Variants in NSL1 observed in about 807,000 individuals in gnomAD.
The protein encoded by NSL1 is NSL1 component of MIS12 kinetochore complex, also known as kinetochore-associated protein NSL1 homolog.
Under a neutral mutation model 25.4 loss-of-function variants are expected in NSL1, and 11 were observed. The observed-to-expected ratio is 0.43, with a 90% CI of 0.27 to 0.72. The LOEUF is 0.72. NSL1 is among the 30% of genes least tolerant of loss of function. NSL1 has a pLI of 0.19. For missense variants in NSL1, 330 were observed against 342.7 expected (o/e 0.96, Z 0.29); for synonymous variants, 118 against 120.6 (o/e 0.98, Z 0.14).
In NSL1 at chr1:212,737,186, A is replaced by G; in HGVS notation, c.*1222T>C. 4 of 985,404 alleles carry G rather than the reference A, an allele frequency of 4.1e-6. No homozygotes were observed. The highest frequency in any genetic ancestry group is 3.6e-6 in the Non-Finnish European group (3 of 829,876). 61.0% of individuals were successfully genotyped at this position (985,404 alleles called of 1,614,324 possible). On this transcript the variant is annotated 3_prime_UTR_variant, in exon 6 of 6. Coordinates refer to ENST00000366977, the MANE Select transcript of NSL1 (RefSeq NM_015471.4). The stretch of plus-strand genomic sequence containing the variant: ...AGATCAGTCTTTGTACATTATTTCA[A>G]TGAAAAACACATAGCTGTGTACAAA...
chr1:212,781,859 G>A (rs1184932385), intron 4 of NSL1: 1 of 198,238 alleles, frequency 5.0e-6, no homozygotes, highest in Non-Finnish European at 1.1e-5. Context: ...TTTGTGTCAA[G>A]TTTATTTCTC....
Position 212,734,571 on chromosome 1 carries a change from A to AACC in NSL1, c.*3834_*3836dup, listed in dbSNP as rs1440532456. Among the ~76,000 whole-genome samples, 1 of 152,216 alleles carries AACC rather than the reference A, an allele frequency of 6.6e-6. No homozygotes were observed. Among genetic ancestry groups the AACC allele is most frequent in the East Asian group, 1.9e-4 (1 of 5,202 alleles). On this transcript the variant is annotated 3_prime_UTR_variant, in exon 6 of 6. Transcript: ENST00000366977. ...TAATATCTCCCCTCTCCCCAGAGGG[A>AACC]ACCACCATGGCTTAGTTTTGCCCAT...
At chr1:212,762,222 C>T (rs1018354045) in intron 4 of NSL1, among the ~76,000 whole-genome samples, 17 of 147,834 alleles carry the variant, frequency 1.1e-4, no homozygotes, top group African/African-American at 3.3e-4. Flanking sequence ...CACTTGAACC[C>T]GGGAGGCAGA....
At position 212,738,687 on chromosome 1, in the gene NSL1, C is replaced by T; in HGVS notation, c.568-1G>A. 1 of 1,610,500 alleles carries T rather than the reference C, an allele frequency of 6.2e-7. No individual in the cohort carries two copies. Among genetic ancestry groups the T allele is most frequent in the Non-Finnish European group, 8.5e-7 (1 of 1,177,728 alleles). On this transcript the variant is annotated splice_acceptor_variant, in intron 5 of 5. Transcript: ENST00000366977. LOFTEE classifies it high-confidence loss of function. ...CTTGTTCAATTAATGCAGGCAAGGA[C>T]TTCAAACAAACAAACAGTAATATTC...
rs1658002025 is a variant in NSL1, at chr1:212,731,190, A to AG, written c.*7217_*7218insC. 1.0e-6 allele frequency: 1 copy of AG among 984,022 alleles called. No homozygotes were observed. Among genetic ancestry groups the AG allele is most frequent in the Non-Finnish European group, 1.2e-6 (1 of 829,088 alleles). 61.0% of individuals were successfully genotyped at this position (984,022 alleles called of 1,614,324 possible). A position where few individuals can be genotyped will look rare whatever the true frequency, so the allele number is the denominator to read the frequency against. ...AAAACAAATGGTCAGAGGGGAGAAA[A>AG]AAAAAAAAACCTGAAGAAACCAAAA... On this transcript the variant is annotated 3_prime_UTR_variant, in exon 6 of 6. Coordinates refer to ENST00000366977, the MANE Select transcript of NSL1 (RefSeq NM_015471.4).
rs1181060731 is a variant in NSL1, at chr1:212,730,337, G to A, written c.*8071C>T. ...TGGAGGGTGGCATTCCCATCAAGGT[G>A]GCATCAGGGGCAGAAATGGACAAAA... is the stretch of plus-strand genomic sequence containing the variant. On this transcript the variant is annotated 3_prime_UTR_variant, in exon 6 of 6. Transcript: ENST00000366977. 5 of 984,658 alleles carry A rather than the reference G, an allele frequency of 5.1e-6. No individual in the cohort carries two copies. The highest frequency in any genetic ancestry group is 6.0e-6 in the Non-Finnish European group (5 of 829,854). 61.0% of individuals were successfully genotyped at this position (984,658 alleles called of 1,614,324 possible).
chr1:212,759,426 G>T (rs774138020), intron 4 of NSL1, among the ~76,000 whole-genome samples: 3 of 152,112 alleles, frequency 2.0e-5, no homozygotes, highest in African/African-American at 7.2e-5. Flanking sequence ...GGAAGAAAGG[G>T]AAGCAGGGAA....
chr1:212,739,086 T>C (rs1166980488), intron 5 of NSL1, among the ~76,000 whole-genome samples: 1 of 152,152 alleles, frequency 6.6e-6, no homozygotes, highest in African/African-American at 2.4e-5. Context: ...AAATGCTGGA[T>C]TGTAGGTTAC....
chr1:212,759,237 ACAT>A (rs1400890971), intron 4 of NSL1, among the ~76,000 whole-genome samples: 2 of 152,214 alleles, frequency 1.3e-5, no homozygotes, highest in Admixed American at 6.5e-5. Context: ...GCTTCAAAGA[ACAT>A]CATCAAGAAA....
intron 5 of NSL1, among the ~76,000 whole-genome samples, chr1:212,739,019 T>A (rs1658371460): frequency 6.6e-6 from 1 of 152,170 alleles, no homozygotes; most frequent in South Asian, 2.1e-4. Flanking sequence ...TGCCTTGGCC[T>A]CCCAAAGTGC....
At position 212,787,423 on chromosome 1, in the gene NSL1, T is replaced by C. The variant is rs1660991461; in HGVS notation, c.313+136A>G. 2.5e-5 allele frequency: 14 copies of C among 551,180 alleles called. 1 individual carries two copies. The South Asian group carries it at 3.9e-4, about 15-fold the overall frequency. The allele number at this position is 551,180 out of a possible 1,614,324, so 34.1% of individuals were successfully genotyped here. A position where few individuals can be genotyped will look rare whatever the true frequency, so the allele number is the denominator to read the frequency against. On this transcript the variant is annotated intron_variant, in intron 2 of 5. Transcript: ENST00000366977. ...AAGACTATTGAAGTCATAATCTCAGTTCTTTATTACTCCCCTAGTAAACAA... is the reference window on the plus strand; with the variant it reads ...AAGACTATTGAAGTCATAATCTCAGCTCTTTATTACTCCCCTAGTAAACAA...
intron 4 of NSL1, among the ~76,000 whole-genome samples, chr1:212,779,797 CCGCCCGGCCAGCCGCCCCG>C (rs1490635728): frequency 1.5e-5 from 2 of 135,964 alleles, no homozygotes; most frequent in Non-Finnish European, 1.6e-5. Context: ...GGTCAGCCCC[CCGCCCGGCCAGCCGCCCCG>C]TCCGGGAGGG....
At position 212,761,838 on chromosome 1, in the gene NSL1, T is replaced by TA. The variant is rs752637426; in HGVS notation, c.499+20533dup. 7.0e-4 allele frequency among the ~76,000 whole-genome samples: 106 copies of TA among 151,760 alleles called. 1 individual carries two copies. The highest frequency in any genetic ancestry group is 9.1e-4 in the Non-Finnish European group (62 of 67,912). On this transcript the variant is annotated intron_variant, in intron 4 of 5. Transcript: ENST00000366977. ...CATCTGAAGAGTTCTATGAATGAAA[T>TA]AAAAAATACAATTGAGAGCTTCAGA...
intron 4 of NSL1, among the ~76,000 whole-genome samples, chr1:212,743,561 C>A (rs1377656391): frequency 6.6e-6 from 1 of 151,204 alleles, no homozygotes; most frequent in African/African-American, 2.4e-5. Context: ...TATTCAAATT[C>A]TTAAATACCT....
Position 212,730,127 on chromosome 1 carries a change from G to T in NSL1, c.*8281C>A. On this transcript the variant is annotated 3_prime_UTR_variant, in exon 6 of 6. Transcript: ENST00000366977. ...TAGCCCAGCATGGTAGCACGCGCCT[G>T]TAATCCCAGCTACTCGGGAGGCTAA... 1.2e-6 allele frequency: 1 copy of T among 815,798 alleles called. No homozygotes were observed. The highest frequency in any genetic ancestry group is 1.5e-6 in the Non-Finnish European group (1 of 679,128). The allele number at this position is 815,798 out of a possible 1,614,324, so 50.5% of individuals were successfully genotyped here.
intron 4 of NSL1, among the ~76,000 whole-genome samples, chr1:212,776,703 T>TAAAAC (rs144006991): frequency 1.3e-4 from 19 of 146,748 alleles, no homozygotes; most frequent in Non-Finnish European, 2.3e-4. Flanking sequence ...AGGAAAACGG[T>TAAAAC]AAAACAAAAC....
intron 4 of NSL1, among the ~76,000 whole-genome samples, chr1:212,771,853 T>C (rs1660133443): frequency 6.6e-6 from 1 of 152,080 alleles, no homozygotes; most frequent in African/African-American, 2.4e-5. Flanking sequence ...TTAAAAGCAA[T>C]TGAAGAGAAT....
Position 212,784,512 on chromosome 1 carries a change from T to A in NSL1, c.314-19A>T, listed in dbSNP as rs766440546. 9 of 1,447,802 alleles carry A rather than the reference T, an allele frequency of 6.2e-6. No homozygotes were observed. Among genetic ancestry groups the A allele is most frequent in the Non-Finnish European group, 7.5e-6 (8 of 1,064,262 alleles). The allele number at this position is 1,447,802 out of a possible 1,614,324, so 89.7% of individuals were successfully genotyped here. On this transcript the variant is annotated intron_variant, in intron 2 of 5. Coordinates refer to ENST00000366977, the MANE Select transcript of NSL1 (RefSeq NM_015471.4). ...TCAGAATCTATTTGAGAAAAAAAAA[T>A]GTATATATAAAAAGTTCCCTAAAAC...
intron 2 of NSL1, among the ~76,000 whole-genome samples, chr1:212,786,705 G>C (rs1660962500): frequency 6.6e-6 from 1 of 151,756 alleles, no homozygotes; most frequent in African/African-American, 2.4e-5. Flanking sequence ...CTACTTGGGA[G>C]GCTGAGGCAT....
Sources: allele counts gnomAD v4.1 joint callset (sites outside exome capture counted in the v4.1 genomes callset), GRCh38; gene constraint gnomAD v4.1.1; transcripts MANE v1.5; gene names NCBI Gene and HGNC (gene_info 2026-07-23, HGNC 2026-07-21).